Variants in LRP12 observed in about 807,000 individuals in gnomAD.
The protein encoded by LRP12 is LDL receptor related protein 12, also known as low-density lipoprotein receptor-related protein 12.
LRP12 carries 14 observed loss-of-function variants against 66.0 expected under a neutral mutation model. That is an observed-to-expected ratio of 0.21 (90% CI 0.14 to 0.33). The LOEUF is 0.33. Ranked by LOEUF, LRP12 falls within the 10% of genes least tolerant of loss-of-function variation. The pLI, the probability that LRP12 is intolerant of heterozygous loss-of-function variation, is 1.00. For missense variants in LRP12, 889 were observed against 1,053.4 expected (o/e 0.84, Z 2.16); for synonymous variants, 357 against 359.1 (o/e 0.99, Z 0.07).
intron 1 of LRP12, among the ~76,000 whole-genome samples, chr8:104,570,103 G>A (rs1812056469): frequency 6.6e-6 from 1 of 152,104 alleles, no homozygotes; most frequent in African/African-American, 2.4e-5. Context: ...TCTGTGTGTT[G>A]AGAACTATGA....
intron 1 of LRP12, among the ~76,000 whole-genome samples, chr8:104,586,645 ATTG>A (rs900228254): frequency 6.6e-6 from 1 of 152,120 alleles, no homozygotes; most frequent in Non-Finnish European, 1.5e-5. Flanking sequence ...AATTCCCACT[ATTG>A]TTATAGAACC....
chr8:104,570,198 C>G (rs1000935259), intron 1 of LRP12, among the ~76,000 whole-genome samples: 4 of 152,116 alleles, frequency 2.6e-5, no homozygotes, highest in African/African-American at 9.7e-5. Flanking sequence ...GTAAAGGTAT[C>G]AATTCTTCCT....
intron 1 of LRP12, among the ~76,000 whole-genome samples, chr8:104,564,034 T>C (rs572882219): frequency 1.3e-5 from 2 of 152,328 alleles, no homozygotes; most frequent in African/African-American, 4.8e-5. Flanking sequence ...GCTTGCCTCC[T>C]GCTACTTCAT....
chr8:104,585,962 C>T (rs1004518892), intron 1 of LRP12, among the ~76,000 whole-genome samples: 2 of 152,208 alleles, frequency 1.3e-5, no homozygotes, highest in Admixed American at 6.5e-5. Flanking sequence ...AATGACAAAG[C>T]ACTTTTTCCT....
At chr8:104,515,214 G>T (rs903423624) in intron 2 of LRP12, among the ~76,000 whole-genome samples, 2 of 152,072 alleles carry the variant, frequency 1.3e-5, no homozygotes, top group African/African-American at 4.8e-5. Context: ...CATCAAACTT[G>T]ACCTTCTTTT....
intron 2 of LRP12, among the ~76,000 whole-genome samples, chr8:104,509,770 TGAA>T (rs1399198532): frequency 6.6e-6 from 1 of 152,188 alleles, no homozygotes; most frequent in African/African-American, 2.4e-5. Context: ...CATGAAATTA[TGAA>T]GAAGGAAAAA....
intron 1 of LRP12, among the ~76,000 whole-genome samples, chr8:104,545,855 T>G (rs1186275966): frequency 6.6e-6 from 1 of 152,144 alleles, no homozygotes; most frequent in Non-Finnish European, 1.5e-5. Flanking sequence ...ATGCTTCTAA[T>G]TTTTCTTCTT....
intron 1 of LRP12, among the ~76,000 whole-genome samples, chr8:104,571,703 C>A (rs532735207): frequency 4.6e-5 from 7 of 152,288 alleles, no homozygotes; most frequent in African/African-American, 1.2e-4. Flanking sequence ...AGTGTGAAAA[C>A]AGACTAATGC....
At chr8:104,540,908 A>G (rs1355939665) in intron 1 of LRP12, among the ~76,000 whole-genome samples, 1 of 151,828 alleles carries the variant, frequency 6.6e-6, no homozygotes, top group East Asian at 1.9e-4. Context: ...TAATTTTTGT[A>G]TTTTTAGTAG....
intron 1 of LRP12, among the ~76,000 whole-genome samples, chr8:104,573,642 T>C (rs1254403568): frequency 6.6e-6 from 1 of 152,078 alleles, no homozygotes; most frequent in East Asian, 1.9e-4. Context: ...AGTACCTATA[T>C]AGTTCATAAA....
At chr8:104,511,811 T>A (rs527741681) in intron 2 of LRP12, among the ~76,000 whole-genome samples, 3 of 152,250 alleles carry the variant, frequency 2.0e-5, no homozygotes, top group African/African-American at 4.8e-5. Flanking sequence ...CTGTTTTGAA[T>A]CGCTTTCAGA....
At chr8:104,494,943 A>G in intron 6 of LRP12, 134 bp downstream of exon 6, 3 of 680,702 alleles carry the variant, frequency 4.4e-6, no homozygotes, top group Non-Finnish European at 7.2e-6. Context: ...GAAAACTATG[A>G]CTTCAAATCT....
intron 1 of LRP12, among the ~76,000 whole-genome samples, chr8:104,563,665 G>A (rs976087835): frequency 6.6e-5 from 10 of 152,074 alleles, no homozygotes; most frequent in Admixed American, 2.0e-4. Context: ...CTGTCCTCAA[G>A]AATGGGATTA....
Position 104,490,866 on chromosome 8 carries a change from A to G in LRP12, c.2387T>C (p.Leu796Pro), listed in dbSNP as rs1213944835. Residue 796 changes from leucine (L) to proline (P), a missense_variant, in exon 7 of 7, where the codon CTT becomes CCT. Leu to Pro is a moderately conservative substitution (Grantham distance 98). Around this residue, in one of 3 missense-constraint regions of LRP12, gnomAD observed 800 missense variants for 964.5 expected, o/e 0.83. Transcript: ENST00000276654. ...FDVNDCSRPL[L>P]DLASDQGQGL... ...TTGTCCTTGATCTGAGGCAAGATCAAGAAGAGGTCTGGAGCAGTCATTCAC... is the reference window on the plus strand; with the variant it reads ...TTGTCCTTGATCTGAGGCAAGATCAGGAAGAGGTCTGGAGCAGTCATTCAC... The G allele has an allele frequency of 1.2e-6, 2 of 1,614,184 alleles. No homozygotes were observed. The highest frequency in any genetic ancestry group is 1.7e-6 in the Non-Finnish European group (2 of 1,180,018).
Position 104,526,066 on chromosome 8 carries a change from G to A in LRP12, c.136+5841C>T, listed in dbSNP as rs535949385. On this transcript the variant is annotated intron_variant, in intron 2 of 6. Coordinates refer to ENST00000276654, the MANE Select transcript of LRP12 (RefSeq NM_013437.5). ...ACAAACAGAGAGCCAAATCATGAGC[G>A]AACTCCCATTCACAATTGCTTCAAA... Among the ~76,000 whole-genome samples, 16 of 152,176 alleles carry A rather than the reference G, an allele frequency of 1.1e-4. No homozygotes were observed. In the East Asian group the frequency reaches 1.4e-3, roughly 13 times the overall value.
intron 2 of LRP12, among the ~76,000 whole-genome samples, chr8:104,519,153 C>T (rs1329039027): frequency 6.6e-6 from 1 of 151,974 alleles, no homozygotes; most frequent in Non-Finnish European, 1.5e-5. Context: ...TGTTTGTTGC[C>T]TAAATAGTGT....
chr8:104,574,435 T>C (rs1812129430), intron 1 of LRP12, among the ~76,000 whole-genome samples: 1 of 152,236 alleles, frequency 6.6e-6, no homozygotes, highest in South Asian at 2.1e-4. Context: ...TTTATTCATC[T>C]ATTCTATTGC....
At chr8:104,561,672 T>C (rs1811909259) in intron 1 of LRP12, among the ~76,000 whole-genome samples, 1 of 152,220 alleles carries the variant, frequency 6.6e-6, no homozygotes, top group Admixed American at 6.5e-5. Flanking sequence ...CATCTATTGT[T>C]ATAAACCAAG....
chr8:104,512,331 A>C (rs1451986792), intron 2 of LRP12, among the ~76,000 whole-genome samples: 1 of 152,220 alleles, frequency 6.6e-6, no homozygotes, highest in East Asian at 1.9e-4. Context: ...CTAACACAGC[A>C]TTCTGGAGTC....
Sources: gnomAD v4.1 joint callset for allele counts (sites outside exome capture counted in the v4.1 genomes callset) on GRCh38, gnomAD v4.1.1 for gene constraint, gnomAD v4.1.1 regional missense constraint, MANE v1.5 for transcripts, NCBI Gene and HGNC (gene_info 2026-07-23, HGNC 2026-07-21) for gene names.